The following BCL11B variants were observed in gnomAD, a reference collection of about 807,000 sequenced individuals.
BCL11B encodes the protein BCL11 transcription factor B.
BCL11B carries 8 observed loss-of-function variants against 49.9 expected under a neutral mutation model. The ratio of observed to expected loss-of-function variants is 0.16; its 90% CI spans 0.09 to 0.29. BCL11B has a LOEUF of 0.29. Ranked by LOEUF, BCL11B falls within the 10% of genes least tolerant of loss-of-function variation. The pLI is 1.00. For missense variants in BCL11B, 1,006 were observed against 1,351.0 expected, an observed-to-expected ratio of 0.74 and a Z score of 4.00; for synonymous variants, 739 against 637.4, an observed-to-expected ratio of 1.16 and a Z score of -2.40.
intron 3 of BCL11B, among the ~76,000 whole-genome samples, chr14:99,206,081 C>G (rs919038879): frequency 6.6e-6 from 1 of 152,150 alleles, no homozygotes; most frequent in African/African-American, 2.4e-5. Flanking sequence ...ACCAGATTCT[C>G]TCTCCAGGAG....
chr14:99,261,547 G>A (rs1720612988), intron 1 of BCL11B, among the ~76,000 whole-genome samples: 1 of 152,078 alleles, frequency 6.6e-6, no homozygotes, highest in Non-Finnish European at 1.5e-5. Flanking sequence ...AATGAAAACA[G>A]TCTTTCAAAT....
intron 3 of BCL11B, among the ~76,000 whole-genome samples, chr14:99,207,688 G>A (rs1429520400): frequency 1.3e-5 from 2 of 152,198 alleles, no homozygotes; most frequent in African/African-American, 4.8e-5. Flanking sequence ...GTGCTGCCTG[G>A]GGGAGCTTTT....
chr14:99,183,046 G>A (rs933141661), intron 3 of BCL11B, among the ~76,000 whole-genome samples: 2 of 139,794 alleles, frequency 1.4e-5, no homozygotes, highest in Non-Finnish European at 3.1e-5. Flanking sequence ...TAAGGGTGCA[G>A]CTCACACTCC....
In BCL11B at chr14:99,248,872, T is replaced by C. The variant is rs1367682334; in HGVS notation, c.427+8599A>G. On this transcript the variant is annotated intron_variant, in intron 2 of 3. Coordinates refer to ENST00000357195, the MANE Select transcript of BCL11B (RefSeq NM_138576.4). This position sits in a 1 kb window ranked among gnomAD's most constrained non-coding sequence, Gnocchi z 4.7. ...GGCTCAGCCCCAGAGACGGGGAAGA[T>C]CTGTCTGCTCAAGGTCACACAGCAT... Among the ~76,000 whole-genome samples, 1 of 152,090 alleles carries C rather than the reference T, an allele frequency of 6.6e-6. No homozygotes were observed. Among genetic ancestry groups the C allele is most frequent in the African/African-American group, 2.4e-5 (1 of 41,406 alleles).
chr14:99,255,663 C>G (rs959993526), intron 2 of BCL11B, among the ~76,000 whole-genome samples: 3 of 152,186 alleles, frequency 2.0e-5, no homozygotes, highest in Non-Finnish European at 4.4e-5. Flanking sequence ...CCTAGCAAGG[C>G]CACCCCTGAA....
chr14:99,199,693 C>CGCGT (rs1555378700), intron 3 of BCL11B, among the ~76,000 whole-genome samples: 8 of 62,466 alleles, frequency 1.3e-4, no homozygotes, highest in Middle Eastern at 8.2e-3. Context: ...TGCGCGCGCG[C>CGCGT]GCGCACGTGC....
intron 2 of BCL11B, among the ~76,000 whole-genome samples, chr14:99,244,710 A>G (rs528836580): frequency 1.3e-5 from 2 of 152,274 alleles, no homozygotes; most frequent in South Asian, 4.1e-4. Flanking sequence ...AAATTGACAA[A>G]TGCCTTCAGA....
Position 99,205,511 on chromosome 14 carries a change from C to T in BCL11B, c.640+25834G>A, listed in dbSNP as rs1887509636. Among the ~76,000 whole-genome samples, 1 of 152,156 alleles carries T rather than the reference C, an allele frequency of 6.6e-6. No individual in the cohort carries two copies. On this transcript the variant is annotated intron_variant, in intron 3 of 3. Coordinates refer to ENST00000357195, the MANE Select transcript of BCL11B (RefSeq NM_138576.4). This position sits in a 1 kb window ranked among gnomAD's most constrained non-coding sequence, Gnocchi z 5.0. The stretch of plus-strand genomic sequence containing the variant: ...CCAGCATGCCAGGAAAGGGGAGGAG[C>T]GACGTGAGGACCTCCTGTGTCACCC...
At chr14:99,235,023 A>C (rs1369230379) in intron 2 of BCL11B, among the ~76,000 whole-genome samples, 1 of 152,172 alleles carries the variant, frequency 6.6e-6, no homozygotes, top group African/African-American at 2.4e-5. Context: ...GACTTTGCAG[A>C]GGCTCCTGCT....
intron 3 of BCL11B, among the ~76,000 whole-genome samples, chr14:99,183,563 A>G (rs1886770679): frequency 6.6e-6 from 1 of 152,060 alleles, no homozygotes; most frequent in Non-Finnish European, 1.5e-5. Flanking sequence ...GTTGCTGGAC[A>G]CCACAGGGCT....
rs1889352884 is a variant in BCL11B at position 99,262,071 on chromosome 14, G to C, written c.59-4232C>G. Among the ~76,000 whole-genome samples, 1 of 152,240 alleles carries C rather than the reference G, an allele frequency of 6.6e-6. No individual in the cohort carries two copies. The highest frequency in any genetic ancestry group is 1.5e-5 in the Non-Finnish European group (1 of 68,050). ...AACTTCCCCATGCCTCGGCTTTGCTGGGAAGGAATTTGAGTCAGAAGAAAG... is the reference window on the plus strand; with the variant it reads ...AACTTCCCCATGCCTCGGCTTTGCTCGGAAGGAATTTGAGTCAGAAGAAAG... On this transcript the variant is annotated intron_variant, in intron 1 of 3. Coordinates refer to ENST00000357195, the MANE Select transcript of BCL11B (RefSeq NM_138576.4). This position sits in a 1 kb window ranked among gnomAD's most constrained non-coding sequence, Gnocchi z 4.2.
At position 99,192,306 on chromosome 14, in the gene BCL11B, C is replaced by T. The variant is rs1887056350; in HGVS notation, c.641-16111G>A. Among the ~76,000 whole-genome samples, 1 of 152,170 alleles carries T rather than the reference C, an allele frequency of 6.6e-6. No homozygotes were observed. The highest frequency in any genetic ancestry group is 2.1e-4 in the South Asian group (1 of 4,828). ...TTTCATTTTAAGCGCCCCAGCCACG[C>T]TTCCCTAATAACAGCCTGGGAACTG... is the stretch of plus-strand genomic sequence containing the variant. On this transcript the variant is annotated intron_variant, in intron 3 of 3. Coordinates refer to ENST00000357195, the MANE Select transcript of BCL11B (RefSeq NM_138576.4). This position sits in a 1 kb window ranked among gnomAD's most constrained non-coding sequence, Gnocchi z 4.0.
chr14:99,258,607 A>ATTTCT (rs1889245092), intron 1 of BCL11B, among the ~76,000 whole-genome samples: 1 of 152,206 alleles, frequency 6.6e-6, no homozygotes, highest in Non-Finnish European at 1.5e-5. Context: ...TCTTAGGAGA[A>ATTTCT]AGCACTGCAG....
At chr14:99,179,889 AC>A (rs1886651382) in intron 3 of BCL11B, among the ~76,000 whole-genome samples, 1 of 152,164 alleles carries the variant, frequency 6.6e-6, no homozygotes, top group Non-Finnish European at 1.5e-5. Context: ...AGGCTTGCTC[AC>A]TTTCAGAAAT....
At chr14:99,180,835 G>A (rs1272939295) in intron 3 of BCL11B, among the ~76,000 whole-genome samples, 1 of 152,198 alleles carries the variant, frequency 6.6e-6, no homozygotes, top group Non-Finnish European at 1.5e-5. Context: ...ATGCATTAGA[G>A]GTTCTAGGGA....
Position 99,257,984 on chromosome 14 carries a change from C to T in BCL11B, c.59-145G>A, listed in dbSNP as rs578032494. The T allele has an allele frequency of 7.6e-6, 8 of 1,058,264 alleles. No individual in the cohort carries two copies. The highest frequency in any genetic ancestry group is 2.8e-5 in the East Asian group (1 of 36,008). The allele number at this position is 1,058,264 out of a possible 1,614,324, so 65.6% of individuals were successfully genotyped here. A position where few individuals can be genotyped will look rare whatever the true frequency, so the allele number is the denominator to read the frequency against. The stretch of plus-strand genomic sequence containing the variant: ...CTGCCAGAGCTCACCAGGTCCTCCC[C>T]GGGGTTGGGGGCTGGTGAGCATCCC... On this transcript the variant is annotated intron_variant, in intron 1 of 3. Transcript: ENST00000357195. This position sits in a 1 kb window ranked among gnomAD's most constrained non-coding sequence, Gnocchi z 6.2.
chr14:99,181,159 G>A (rs1443673493), intron 3 of BCL11B, among the ~76,000 whole-genome samples: 2 of 152,174 alleles, frequency 1.3e-5, no homozygotes, highest in East Asian at 1.9e-4. Flanking sequence ...AGATTTAGTG[G>A]CCCACTGCTG....
intron 3 of BCL11B, among the ~76,000 whole-genome samples, chr14:99,204,374 C>T (rs1887474226): frequency 6.6e-6 from 1 of 152,212 alleles, no homozygotes; most frequent in East Asian, 1.9e-4. Context: ...TCCCGCACCC[C>T]ACTGGCCTGT....
chr14:99,199,684 GCGCGCGCGCGCGCA>G (rs1204325697), intron 3 of BCL11B, among the ~76,000 whole-genome samples: 498 of 46,710 alleles, frequency 0.011, 1 homozygote, highest in Admixed American at 0.016. Context: ...GTGTGTGTGT[GCGCGCGCGCGCGCA>G]CGTGCACGTG....
Sources: allele counts gnomAD v4.1 joint callset (sites outside exome capture counted in the v4.1 genomes callset), GRCh38; gene constraint gnomAD v4.1.1; non-coding constraint Gnocchi (gnomAD v3.1); transcripts MANE v1.5; gene names NCBI Gene and HGNC (gene_info 2026-07-23, HGNC 2026-07-21).